Variants in STK32A observed in about 807,000 individuals in gnomAD.
The protein encoded by STK32A is serine/threonine-protein kinase 32A.
Under a neutral mutation model 53.2 loss-of-function variants are expected in STK32A, and 41 were observed. That is an observed-to-expected ratio of 0.77 (90% CI 0.60 to 1.00). The LOEUF (loss-of-function observed/expected upper bound fraction) is 1.00. STK32A is among the 50% of genes least tolerant of loss of function. STK32A has a pLI of 0.00. For synonymous variants in STK32A, 166 were observed against 162.8 expected, an observed-to-expected ratio of 1.02 and a Z score of -0.15; for missense variants, 458 against 485.8, an observed-to-expected ratio of 0.94 and a Z score of 0.54.
At chr5:147,401,403 A>G in the STK32A span, 1 of 1,019,976 alleles carries the variant, frequency 9.8e-7, no homozygotes, top group East Asian at 2.7e-5. Context: ...TCAAGACTGT[A>G]AAAGAATTCC....
intron 6 of STK32A, among the ~76,000 whole-genome samples, chr5:147,345,194 C>T (rs1755624686): frequency 6.6e-6 from 1 of 152,070 alleles, no homozygotes; most frequent in Non-Finnish European, 1.5e-5. Context: ...TAAACTTTGT[C>T]TTAGTTTTTC....
At chr5:147,383,575 G>C (rs1465228507) in intron 12 of STK32A, 70 bp downstream of exon 12, 5 of 1,189,850 alleles carry the variant, frequency 4.2e-6, no homozygotes, top group Non-Finnish European at 5.9e-6. Context: ...TACTTGCAGA[G>C]AAAATATATT....
chr5:147,348,629 A>C, intron 6 of STK32A: 1 of 741,240 alleles, frequency 1.3e-6, no homozygotes, highest in Non-Finnish European at 2.5e-6. Context: ...ATGCAGACTA[A>C]AGTAGACAGT....
intron 4 of STK32A, among the ~76,000 whole-genome samples, chr5:147,320,979 A>G (rs1754285740): frequency 6.6e-6 from 1 of 152,262 alleles, no homozygotes. Flanking sequence ...TGCAAGGTAG[A>G]GAATGGATTG....
intron 4 of STK32A, among the ~76,000 whole-genome samples, chr5:147,289,613 TATC>T (rs1312893183): frequency 1.3e-5 from 2 of 151,904 alleles, no homozygotes; most frequent in African/African-American, 4.8e-5. Context: ...TGTTTTTCAA[TATC>T]ATATATATGT....
intron 4 of STK32A, among the ~76,000 whole-genome samples, chr5:147,304,807 G>T (rs1199274889): frequency 6.6e-6 from 1 of 152,124 alleles, no homozygotes; most frequent in Non-Finnish European, 1.5e-5. Flanking sequence ...AGAAGAAGAA[G>T]ACAAAAAGAG....
chr5:147,379,749 C>G (rs1052284818), intron 11 of STK32A, among the ~76,000 whole-genome samples: 12 of 152,134 alleles, frequency 7.9e-5, no homozygotes, highest in African/African-American at 2.4e-5. Flanking sequence ...AGATTTCCAC[C>G]TGCTCTAACC....
chr5:147,373,267 G>A lies in STK32A; in HGVS notation c.876G>A (p.Lys292=). The A allele has an allele frequency of 1.2e-6, 2 of 1,613,338 alleles. No individual in the cohort carries two copies. Among genetic ancestry groups the A allele is most frequent in the Middle Eastern group, 1.7e-4 (1 of 6,052 alleles). ...NDINWDAVFQ[K]RLIPGFIPNK... Reference sequence around the variant, plus strand: ...TAAACTGGGATGCAGTTTTTCAGAAGAGGCTCATTCCAGGTTTCATTCCTA... The same window carrying A: ...TAAACTGGGATGCAGTTTTTCAGAAAAGGCTCATTCCAGGTTTCATTCCTA... The change falls in exon 10 of 13, where the codon AAG becomes AAA. Residue 292 remains lysine (K), a synonymous_variant. Transcript: ENST00000397936.
intron 2 of STK32A, among the ~76,000 whole-genome samples, chr5:147,253,433 A>G (rs1754086466): frequency 1.3e-5 from 2 of 152,214 alleles, no homozygotes; most frequent in South Asian, 2.1e-4. Context: ...TAAAAAACAA[A>G]TATAGTCAGT....
At chr5:147,246,892 G>A (rs1200628390) in intron 2 of STK32A, among the ~76,000 whole-genome samples, 1 of 152,188 alleles carries the variant, frequency 6.6e-6, no homozygotes. Context: ...TAAAGTACAA[G>A]TTGGATTTGA....
Position 147,384,119 on chromosome 5 carries a change from G to A in STK32A, c.*136G>A. The A allele has an allele frequency of 1.3e-6, 2 of 1,488,106 alleles. No individual in the cohort carries two copies. Among genetic ancestry groups the A allele is most frequent in the East Asian group, 2.5e-5 (1 of 39,310 alleles). The allele number at this position is 1,488,106 out of a possible 1,614,324, so 92.2% of individuals were successfully genotyped here. On this transcript the variant is annotated 3_prime_UTR_variant, in exon 13 of 13. Coordinates refer to ENST00000397936, the MANE Select transcript of STK32A (RefSeq NM_001112724.2). The stretch of plus-strand genomic sequence containing the variant: ...TGTGAATGAATATATTTCAAAAAAG[G>A]CAGCACAACACAGTGAAGGGTCCTG...
chr5:147,272,203 A>C (rs1445152500), intron 2 of STK32A, among the ~76,000 whole-genome samples: 1 of 152,106 alleles, frequency 6.6e-6, no homozygotes, highest in Non-Finnish European at 1.5e-5. Context: ...CAGCCTCCTG[A>C]GTAGCTGGGA....
intron 4 of STK32A, among the ~76,000 whole-genome samples, chr5:147,296,628 T>C (rs191725249): frequency 1.3e-5 from 2 of 152,326 alleles, no homozygotes; most frequent in East Asian, 3.9e-4. Context: ...GCCCACCTCC[T>C]GAGATCTTAT....
At chr5:147,261,325 G>A (rs770074058) in intron 2 of STK32A, among the ~76,000 whole-genome samples, 11 of 152,320 alleles carry the variant, frequency 7.2e-5, no homozygotes, top group East Asian at 1.9e-4. Flanking sequence ...AATGGTAAGC[G>A]CACACTTGGA....
At chr5:147,283,330 C>T (rs529865779) in intron 4 of STK32A, among the ~76,000 whole-genome samples, 2 of 152,040 alleles carry the variant, frequency 1.3e-5, no homozygotes, top group South Asian at 4.2e-4. Context: ...TAAACGCCCA[C>T]ATTGAAAAGA....
chr5:147,400,434 T>G, the STK32A span, among the ~76,000 whole-genome samples: 2 of 152,230 alleles, frequency 1.3e-5, no homozygotes, highest in Non-Finnish European at 2.9e-5. Context: ...TACACTCAGA[T>G]GAAGGAGTTG....
chr5:147,284,354 A>G (rs932198871), intron 4 of STK32A, among the ~76,000 whole-genome samples: 2 of 152,132 alleles, frequency 1.3e-5, no homozygotes, highest in Admixed American at 6.5e-5. Flanking sequence ...AGAATGAGAC[A>G]AGTATGCCCA....
chr5:147,401,103 T>C, the STK32A span, among the ~76,000 whole-genome samples: 1 of 152,212 alleles, frequency 6.6e-6, no homozygotes, highest in African/African-American at 2.4e-5. Context: ...TGATCCTATA[T>C]GTCTGCAGAG....
intron 7 of STK32A, among the ~76,000 whole-genome samples, chr5:147,354,806 T>A (rs975961849): frequency 3.3e-5 from 5 of 152,198 alleles, no homozygotes; most frequent in African/African-American, 1.2e-4. Flanking sequence ...TAATGAGAAA[T>A]AAAAATATAT....
Sources: allele counts gnomAD v4.1 joint callset (sites outside exome capture counted in the v4.1 genomes callset), GRCh38; gene constraint gnomAD v4.1.1; transcripts MANE v1.5; gene names NCBI Gene and HGNC (gene_info 2026-07-23, HGNC 2026-07-21).